The following FLII variants were observed in gnomAD, a reference collection of about 807,000 sequenced individuals.
The protein encoded by FLII is protein flightless-1 homolog.
Under a neutral mutation model 156.2 loss-of-function variants are expected in FLII, and 101 were observed. The observed-to-expected ratio is 0.65, with a 90% CI of 0.55 to 0.76. The LOEUF (loss-of-function observed/expected upper bound fraction) is 0.76, where lower values mean the gene tolerates loss of function less well. FLII is among the 30% of genes least tolerant of loss of function. FLII has a pLI of 0.00. For synonymous variants in FLII, 767 were observed against 685.8 expected (o/e 1.12, Z -1.85); for missense variants, 1,675 against 1,682.8 (o/e 1.00, Z 0.08).
chr17:18,251,439 C>T lies in FLII; in HGVS notation c.1422G>A (p.Arg474=). The change falls in exon 13 of 30, where the codon CGG becomes CGA. Residue 474 remains arginine (R), a synonymous_variant. Transcript: ENST00000327031. ...GCTTCTCCAGGCCCTGGTCCCAACG[C>T]CGCACCTTCCCGCTGGGGGCCCGGG... The part of the protein sequence containing the change: ...ADARAPSGKV[R]RWDQGLEKPR... 6.2e-7 allele frequency: 1 copy of T among 1,610,468 alleles called. No individual in the cohort carries two copies. Among genetic ancestry groups the T allele is most frequent in the South Asian group, 1.1e-5 (1 of 91,006 alleles).
intron 2 of FLII, 151 bp from the exon 3 acceptor site, chr17:18,256,748 T>C: frequency 1.3e-6 from 1 of 798,980 alleles, no homozygotes; most frequent in Middle Eastern, 2.6e-4. Context: ...CCCGGCCTCT[T>C]CTTGCACACC....
intron 14 of FLII, 76 bp from the exon 15 acceptor site, chr17:18,249,484 T>C: frequency 1.8e-6 from 2 of 1,102,820 alleles, no homozygotes; most frequent in Non-Finnish European, 2.8e-6. Flanking sequence ...CAGGTGGGGG[T>C]ACAGAGTTGC....
chr17:18,254,224 G>A (rs776743217), intron 6 of FLII, 42 bp from the exon 7 acceptor site: 6 of 1,503,314 alleles, frequency 4.0e-6, no homozygotes, highest in Non-Finnish European at 4.5e-6. Flanking sequence ...GGCCCACCTA[G>A]GGAGTGTTAA....
chr17:18,252,799 C>T (rs1303732184), intron 9 of FLII, among the ~76,000 whole-genome samples: 3 of 152,204 alleles, frequency 2.0e-5, no homozygotes, highest in Admixed American at 6.5e-5. Flanking sequence ...ACAGTGCCCC[C>T]CGAAGGGTGC....
At position 18,252,039 on chromosome 17, in the gene FLII, T is replaced by C; in HGVS notation, c.1206A>G (p.Leu402=). 3.1e-6 allele frequency: 5 copies of C among 1,613,226 alleles called. No homozygotes were observed. Among genetic ancestry groups the C allele is most frequent in the Non-Finnish European group, 2.5e-6 (3 of 1,179,978 alleles). Residue 402 remains leucine, a synonymous_variant, in exon 11 of 30, where the codon CTA becomes CTG. Coordinates refer to ENST00000327031, the MANE Select transcript of FLII (RefSeq NM_002018.4). Reference sequence around the variant, plus strand: ...CCACGGTAGCAGGAGAGGCACCCGCTAGCCGCAGCTGGTTCTGCAGCGAGA... The same window carrying C: ...CCACGGTAGCAGGAGAGGCACCCGCCAGCCGCAGCTGGTTCTGCAGCGAGA... The part of the protein sequence containing the change: ...IDFSLQNQLR[L]AGASPATVAA...
chr17:18,248,060 G>A lies in FLII; in HGVS notation c.2191-27C>T, dbSNP rs749158459. The A allele has an allele frequency of 2.1e-5, 32 of 1,533,980 alleles. No homozygotes were observed. In the Admixed American group the frequency reaches 5.5e-4, roughly 26 times the overall value. Reference sequence around the variant, plus strand: ...TGGCAGGAAGGATGAGCATGGCAGGGAAGGGATCTGGAGACAGGAACCTCA... The same window carrying A: ...TGGCAGGAAGGATGAGCATGGCAGGAAAGGGATCTGGAGACAGGAACCTCA... On this transcript the variant is annotated intron_variant, in intron 18 of 29. Coordinates refer to ENST00000327031, the MANE Select transcript of FLII (RefSeq NM_002018.4).
chr17:18,249,005 C>A lies in FLII; in HGVS notation c.1934+122G>T, dbSNP rs533922118. The A allele has an allele frequency of 5.2e-5, 71 of 1,376,048 alleles. No homozygotes were observed. In the African/African-American group the frequency reaches 8.8e-4, roughly 17 times the overall value. 85.2% of individuals were successfully genotyped at this position (1,376,048 alleles called of 1,614,324 possible). ...TTTCTGGGTAAGCCCCAGGGACCCC[C>A]CGCCAAGCTCGTGGGCAGGAATTGC... On this transcript the variant is annotated intron_variant, in intron 16 of 29. Transcript: ENST00000327031.
In FLII at chr17:18,246,600, C is replaced by T. The variant is rs551167459; in HGVS notation, c.3045G>A (p.Lys1015=). The change falls in exon 23 of 30, where the codon AAG becomes AAA. Residue 1015 remains lysine, a synonymous_variant. Coordinates refer to ENST00000327031, the MANE Select transcript of FLII (RefSeq NM_002018.4). ...GCGGGGCTGCCAGGCACACCTCCAG[C>T]TTCCCAGGGAAGAGGCTCTCGAACT... ...QKKFESLFPG[K]LEVVRMTQQQ... 5 of 1,613,980 alleles carry T rather than the reference C, an allele frequency of 3.1e-6. No individual in the cohort carries two copies. The South Asian group carries it at 3.3e-5, about 11-fold the overall frequency.
chr17:18,245,566 T>C lies in FLII; in HGVS notation c.3598A>G (p.Asn1200Asp), dbSNP rs774556955. The C allele has an allele frequency of 6.2e-7, 1 of 1,613,844 alleles. No homozygotes were observed. The highest frequency in any genetic ancestry group is 1.1e-5 in the South Asian group (1 of 91,078). ...LADDDIMLLD[N>D]GQEVYMWVGT... ...TGGCAACATCACACCTCTTGGCCAT[T>C]GTCTAGCAACATGATGTCATCATCT... is the stretch of plus-strand genomic sequence containing the variant. Residue 1200 changes from asparagine (N) to aspartate (D), a missense_variant, in exon 28 of 30, where the codon AAT (asparagine) becomes GAT (aspartate). Physicochemically the swap from Asn to Asp is conservative, Grantham distance 23 (BLOSUM62 1). Transcript: ENST00000327031.
chr17:18,255,103 T>C (rs1265503577), intron 4 of FLII, 80 bp downstream of exon 4: 19 of 1,168,324 alleles, frequency 1.6e-5, no homozygotes, highest in Non-Finnish European at 2.5e-5. Flanking sequence ...GGGATAACAA[T>C]GGCCCCAGGG....
chr17:18,252,388 G>T, intron 10 of FLII, 84 bp downstream of exon 10: 2 of 1,340,806 alleles, frequency 1.5e-6, no homozygotes, highest in Non-Finnish European at 2.1e-6. Context: ...ACCTCCCTCA[G>T]GAGGCCTCTG....
Position 18,248,740 on chromosome 17 carries a change from G to C in FLII, c.2019-19C>G, listed in dbSNP as rs1567709657. The C allele has an allele frequency of 1.9e-6, 3 of 1,613,882 alleles. No individual in the cohort carries two copies. Among genetic ancestry groups the C allele is most frequent in the African/African-American group, 1.3e-5 (1 of 74,914 alleles). Reference sequence around the variant, plus strand: ...AAAGAGCCTGAGAGCAGGATGCAAAGTCATCAGCGAGGCTCACACCCCTTT... The same window carrying C: ...AAAGAGCCTGAGAGCAGGATGCAAACTCATCAGCGAGGCTCACACCCCTTT... On this transcript the variant is annotated intron_variant, in intron 17 of 29. Coordinates refer to ENST00000327031, the MANE Select transcript of FLII (RefSeq NM_002018.4).
chr17:18,248,473 ACATCGGTGTGTAGTC>A, intron 18 of FLII, 62 bp downstream of exon 18: 1 of 1,405,666 alleles, frequency 7.1e-7, no homozygotes, highest in South Asian at 1.3e-5. Flanking sequence ...AAAGCCAACT[ACATCGGTGTGTAGTC>A]CATTCCCCCA....
At position 18,258,587 on chromosome 17, in the gene FLII, A is replaced by C; in HGVS notation, c.63+41T>G. 2 of 1,536,432 alleles carry C rather than the reference A, an allele frequency of 1.3e-6. No homozygotes were observed. Among genetic ancestry groups the C allele is most frequent in the Non-Finnish European group, 1.7e-6 (2 of 1,149,842 alleles). On this transcript the variant is annotated intron_variant, in intron 1 of 29. Coordinates refer to ENST00000327031, the MANE Select transcript of FLII (RefSeq NM_002018.4). This position sits in a 1 kb window ranked among gnomAD's most constrained non-coding sequence, Gnocchi z 4.2. ...GGCCAAGCGGGCCGGGCGGAAGAGA[A>C]GGCCTGCAGGGAGGCCCGGCACGCG...
chr17:18,253,320 C>G lies in FLII; in HGVS notation c.994G>C (p.Val332Leu). 2 of 1,613,922 alleles carry G rather than the reference C, an allele frequency of 1.2e-6. No individual in the cohort carries two copies. The highest frequency in any genetic ancestry group is 1.7e-6 in the Non-Finnish European group (2 of 1,180,030). ...CAGCACCTGCAGAGACTTTCAGGGA[C>G]CAGCTCCAGGTTGTTGTTGGCAGCC... ...FMAANNNLELVPESLCRCPKL... is the reference protein window; with the variant it reads ...FMAANNNLELLPESLCRCPKL... The change falls in exon 9 of 30, where the codon GTC becomes CTC. Residue 332 changes from valine (V) to leucine (L), a missense_variant. Around this residue, in one of 2 missense-constraint regions of FLII, gnomAD observed 1,332 missense variants for 1,269.3 expected, o/e 1.05. Coordinates refer to ENST00000327031, the MANE Select transcript of FLII (RefSeq NM_002018.4).
intron 1 of FLII, among the ~76,000 whole-genome samples, chr17:18,257,650 C>T (rs2048464470): frequency 1.3e-5 from 2 of 152,194 alleles, no homozygotes; most frequent in Non-Finnish European, 2.9e-5. Context: ...GCTGGTGACT[C>T]GGACTCTCCC....
At chr17:18,247,078 CGGCA>C in intron 21 of FLII, 26 bp from the exon 22 acceptor site, 1 of 1,606,480 alleles carries the variant, frequency 6.2e-7, no homozygotes, top group Non-Finnish European at 8.5e-7. Context: ...ACCCGCCCCG[CGGCA>C]GGTCTGAGCG....
Position 18,248,886 on chromosome 17 carries a change from G to A in FLII, c.1935-3C>T. ...CTCGGTCCAGCAGGAAAACAAACCTGGACAAGAAGGGGCAGGAAGGAGCTG... is the reference window on the plus strand; with the variant it reads ...CTCGGTCCAGCAGGAAAACAAACCTAGACAAGAAGGGGCAGGAAGGAGCTG... On this transcript the variant is annotated splice_region_variant and splice_polypyrimidine_tract_variant and intron_variant, in intron 16 of 29. Coordinates refer to ENST00000327031, the MANE Select transcript of FLII (RefSeq NM_002018.4). 2.5e-6 allele frequency: 4 copies of A among 1,612,850 alleles called. No homozygotes were observed. Among genetic ancestry groups the A allele is most frequent in the African/African-American group, 1.3e-5 (1 of 75,016 alleles).
upstream of FLII, chr17:18,258,748 G>C (rs923489649): frequency 8.2e-7 from 1 of 1,222,178 alleles, no homozygotes; most frequent in Non-Finnish European, 1.0e-6. The surrounding 1 kb of genome is among the most constrained non-coding windows in gnomAD (Gnocchi z 4.2). Context: ...CGAGGGCGCT[G>C]GGGGGAGCCG....
Sources: allele counts gnomAD v4.1 joint callset (sites outside exome capture counted in the v4.1 genomes callset), GRCh38; gene constraint gnomAD v4.1.1; regional missense constraint gnomAD v4.1.1; non-coding constraint Gnocchi (gnomAD v3.1); transcripts MANE v1.5; gene names NCBI Gene and HGNC (gene_info 2026-07-23, HGNC 2026-07-21).